Variants in RGPD3 observed in about 807,000 individuals in gnomAD.
The protein encoded by RGPD3 is RANBP2 like and GRIP domain containing 3.
In RGPD3, 62 loss-of-function variants were observed where a neutral mutation model predicts 154.5. That is an observed-to-expected ratio of 0.40 (90% CI 0.33 to 0.50). RGPD3 has a LOEUF of 0.50. Among genes scored for constraint, RGPD3 ranks in the 20% least tolerant of loss-of-function variants. RGPD3 has a pLI of 0.59. For synonymous variants in RGPD3, 308 were observed against 607.0 expected (o/e 0.51, Z 7.24); for missense variants, 919 against 1,716.8 (o/e 0.54, Z 8.21).
At chr2:106,464,583 T>C (rs376142784) in intron 1 of RGPD3, among the ~76,000 whole-genome samples, 4,971 of 150,150 alleles carry the variant, frequency 0.033, 29 homozygotes, top group Middle Eastern at 0.079. Flanking sequence ...AAAAAAAATA[T>C]AAATAAAAAT....
At position 106,436,458 on chromosome 2, in the gene RGPD3, T is replaced by G; in HGVS notation, c.1590A>C (p.Lys530Asn). 6.2e-7 allele frequency: 1 copy of G among 1,609,236 alleles called. No individual in the cohort carries two copies. Among genetic ancestry groups the G allele is most frequent in the African/African-American group, 1.3e-5 (1 of 74,830 alleles). The change falls in exon 11 of 23, where the codon AAA (lysine) becomes AAC (asparagine). Residue 530 changes from lysine to asparagine, a missense_variant. Transcript: ENST00000409886. ...VCKQLCTERQ[K>N]SWWDAVCTLI... ...GAGTACAAACCGCATCCCACCAAGA[T>G]TTTTGTCTTTCTGTACAAAGCTGTT... is the stretch of plus-strand genomic sequence containing the variant.
chr2:106,468,134 G>C, intron 1 of RGPD3, 83 bp downstream of exon 1: 5 of 1,506,502 alleles, frequency 3.3e-6, no homozygotes, highest in Non-Finnish European at 4.5e-6. Context: ...CATGACGCCT[G>C]AGCCATCGAG....
At chr2:106,465,714 G>A in intron 1 of RGPD3, among the ~76,000 whole-genome samples, 1 of 151,528 alleles carries the variant, frequency 6.6e-6, no homozygotes, top group Non-Finnish European at 1.5e-5. Context: ...CTAACGATTT[G>A]TAAGAACTTT....
At chr2:106,448,814 C>T (rs1178875880) in intron 6 of RGPD3, among the ~76,000 whole-genome samples, 1 of 151,728 alleles carries the variant, frequency 6.6e-6, no homozygotes, top group Admixed American at 6.6e-5. Context: ...CCTCAGCCTC[C>T]CGAGCAGCTG....
At chr2:106,412,546 G>A (rs1426908214) in intron 22 of RGPD3, among the ~76,000 whole-genome samples, 1 of 151,258 alleles carries the variant, frequency 6.6e-6, no homozygotes, top group Non-Finnish European at 1.5e-5. Flanking sequence ...TTGATCTTGT[G>A]ATCCGCCTGC....
chr2:106,464,177 C>G (rs1235613785), intron 1 of RGPD3, among the ~76,000 whole-genome samples: 1 of 151,958 alleles, frequency 6.6e-6, no homozygotes, highest in Non-Finnish European at 1.5e-5. Flanking sequence ...AACCCCGTCT[C>G]TACTAAAAAC....
At chr2:106,438,127 C>T (rs1278031309) in intron 9 of RGPD3, among the ~76,000 whole-genome samples, 3 of 151,276 alleles carry the variant, frequency 2.0e-5, no homozygotes, top group Admixed American at 6.6e-5. Flanking sequence ...GGGGTTTCAC[C>T]ATGTTGGCCA....
At chr2:106,446,790 G>C (rs1347400795) in intron 7 of RGPD3, among the ~76,000 whole-genome samples, 1 of 151,664 alleles carries the variant, frequency 6.6e-6, no homozygotes, top group African/African-American at 2.4e-5. Flanking sequence ...GCTGAGGCAG[G>C]AGAATCACTT....
In RGPD3 at chr2:106,425,139, T is replaced by C. The variant is rs2104460449; in HGVS notation, c.2828A>G (p.Asn943Ser). The C allele has an allele frequency of 1.2e-6, 2 of 1,612,010 alleles. No homozygotes were observed. Among genetic ancestry groups the C allele is most frequent in the East Asian group, 2.2e-5 (1 of 44,880 alleles). ...ATCCTGAGCCTGTAAGCCAGTATCA[T>C]TTTCAAGAGGCTTTTCACTTTTCTT... ...QEKKSEKPLE[N>S]DTGLQAQDIS... Residue 943 changes from asparagine (N) to serine (S), a missense_variant, in exon 20 of 23, where the codon AAT becomes AGT. By Grantham distance (46) the Asn-to-Ser change is conservative. Transcript: ENST00000409886.
At chr2:106,460,275 G>T (rs1678370621) in intron 1 of RGPD3, among the ~76,000 whole-genome samples, 1 of 148,968 alleles carries the variant, frequency 6.7e-6, no homozygotes, top group South Asian at 2.2e-4. Context: ...ACAAACAAAA[G>T]AAACCAGCTT....
intron 18 of RGPD3, among the ~76,000 whole-genome samples, chr2:106,428,695 G>A (rs28666033): frequency 0.14 from 20,670 of 150,830 alleles, 2,163 homozygotes; most frequent in East Asian, 0.61. Context: ...GAGAGAGAGA[G>A]AAAAAAAAGG....
chr2:106,421,955 C>T (rs1168683798), intron 20 of RGPD3, among the ~76,000 whole-genome samples: 1 of 150,974 alleles, frequency 6.6e-6, no homozygotes, highest in Non-Finnish European at 1.5e-5. Context: ...CATTCTTTGA[C>T]ATGCATGTTG....
chr2:106,428,696 A>AG (rs1197720848), intron 18 of RGPD3, among the ~76,000 whole-genome samples: 36 of 151,538 alleles, frequency 2.4e-4, no homozygotes, highest in South Asian at 1.3e-3. Flanking sequence ...AGAGAGAGAG[A>AG]AAAAAAAGGG....
rs772559807 is a variant in RGPD3 at position 106,425,287 on chromosome 2, A to G, written c.2701-21T>C. On this transcript the variant is annotated intron_variant, in intron 19 of 22. Transcript: ENST00000409886. ...GAACCCTGAAACATAAATGAAGGTGAATTTTCTTGATCCACATGCCCAAAA... is the reference window on the plus strand; with the variant it reads ...GAACCCTGAAACATAAATGAAGGTGGATTTTCTTGATCCACATGCCCAAAA... 1.6e-5 allele frequency: 25 copies of G among 1,609,710 alleles called. No homozygotes were observed. In the South Asian group the frequency reaches 2.3e-4, roughly 15 times the overall value.
At chr2:106,413,947 T>A (rs1033026230) in intron 21 of RGPD3, among the ~76,000 whole-genome samples, 1 of 152,164 alleles carries the variant, frequency 6.6e-6, no homozygotes, top group South Asian at 2.1e-4. Context: ...CAGTATGGCA[T>A]GGGGCTCTGA....
rs1678627648 is a variant in RGPD3, at chr2:106,466,968, CG to C, written c.72+1248del. On this transcript the variant is annotated intron_variant, in intron 1 of 22. Transcript: ENST00000409886. ...GCCATGACGCCTGAGCCATCGAGGC[CG>C]CCGCAGGGCCAGGTCGAGGCTGCCG... is the stretch of plus-strand genomic sequence containing the variant. Among the ~76,000 whole-genome samples, 2 of 118,686 alleles carry C rather than the reference CG, an allele frequency of 1.7e-5. 1 individual carries two copies. Among genetic ancestry groups the C allele is most frequent in the African/African-American group, 5.7e-5 (2 of 35,304 alleles). The allele number at this position is 118,686 out of a possible 152,430, so 77.9% of individuals were successfully genotyped here.
chr2:106,466,193 G>A (rs933580370), intron 1 of RGPD3, among the ~76,000 whole-genome samples: 2 of 152,126 alleles, frequency 1.3e-5, no homozygotes, highest in Non-Finnish European at 2.9e-5. Context: ...GGAGAAAGAG[G>A]AAGCGCCGGC....
At chr2:106,448,785 G>T (rs1451528918) in intron 6 of RGPD3, among the ~76,000 whole-genome samples, 1 of 151,950 alleles carries the variant, frequency 6.6e-6, no homozygotes, top group East Asian at 1.9e-4. Flanking sequence ...CTGACTCCCA[G>T]GTTCAAGCGA....
intron 17 of RGPD3, among the ~76,000 whole-genome samples, chr2:106,430,280 C>A (rs1677330134): frequency 6.6e-6 from 1 of 151,382 alleles, no homozygotes; most frequent in South Asian, 2.1e-4. Flanking sequence ...AATTTATCTG[C>A]TCCCATTTTC....
Sources: gnomAD v4.1 joint callset for allele counts (sites outside exome capture counted in the v4.1 genomes callset) on GRCh38, gnomAD v4.1.1 for gene constraint, MANE v1.5 for transcripts, NCBI Gene and HGNC (gene_info 2026-07-23, HGNC 2026-07-21) for gene names.